The following IL1RAPL1 variants were observed in gnomAD, a reference collection of about 807,000 sequenced individuals.
The protein encoded by IL1RAPL1 is interleukin-1 receptor accessory protein-like 1.
In IL1RAPL1, 3 loss-of-function variants were observed where a neutral mutation model predicts 48.4. The observed-to-expected ratio is 0.06, with a 90% confidence interval of 0.03 to 0.16. IL1RAPL1 has a LOEUF of 0.16. Among genes scored for constraint, IL1RAPL1 ranks in the 10% least tolerant of loss-of-function variants. The probability of loss-of-function intolerance (pLI) is 1.00; values close to 1 mark genes in which losing one functional copy is unlikely to be tolerated. For synonymous variants in IL1RAPL1, 185 were observed against 187.7 expected, an observed-to-expected ratio of 0.99 and a Z score of 0.12; for missense variants, 349 against 530.6, an observed-to-expected ratio of 0.66 and a Z score of 3.36.
At chrX:29,667,218 G>A (rs1051711272) in intron 5 of IL1RAPL1, among the ~76,000 whole-genome samples, 26 of 112,219 alleles carry the variant, frequency 2.3e-4, no homozygotes, top group Non-Finnish European at 4.5e-4. Flanking sequence ...ATATGAGGTT[G>A]TTCTTCCAAA....
chrX:28,699,244 TTTAATACTTTAAA>T (rs1316632806), intron 1 of IL1RAPL1, among the ~76,000 whole-genome samples: 2 of 112,170 alleles, frequency 1.8e-5, no homozygotes, highest in Non-Finnish European at 3.8e-5. Context: ...CTGTATTCTA[TTTAATACTTTAAA>T]AGAGTATGCT....
At chrX:29,949,006 A>T (rs1431834597) in intron 9 of IL1RAPL1, among the ~76,000 whole-genome samples, 1 of 112,068 alleles carries the variant, frequency 8.9e-6, no homozygotes, top group East Asian at 2.8e-4. Flanking sequence ...ACTACCTTCA[A>T]CTTGAAAAGT....
At chrX:29,883,221 C>T (rs1279608625) in intron 6 of IL1RAPL1, among the ~76,000 whole-genome samples, 10 of 110,287 alleles carry the variant, frequency 9.1e-5, no homozygotes, top group Non-Finnish European at 1.9e-4. Context: ...GATTATATTC[C>T]GTGTTTGATA....
At chrX:28,692,929 G>C (rs1380518808) in intron 1 of IL1RAPL1, among the ~76,000 whole-genome samples, 1 of 111,616 alleles carries the variant, frequency 9.0e-6, no homozygotes, top group African/African-American at 3.3e-5. Flanking sequence ...AGTACAGTGT[G>C]ATATTGTCAT....
At chrX:29,925,467 C>G (rs1429239385) in intron 8 of IL1RAPL1, among the ~76,000 whole-genome samples, 1 of 62,845 alleles carries the variant, frequency 1.6e-5, no homozygotes, top group African/African-American at 6.5e-5. Context: ...CTTCTCTGCT[C>G]ATTTGTATAA....
At chrX:29,290,442 T>A (rs1352302628) in intron 3 of IL1RAPL1, among the ~76,000 whole-genome samples, 1 of 112,469 alleles carries the variant, frequency 8.9e-6, no homozygotes, top group Admixed American at 9.4e-5. Context: ...ACTTTGTTCC[T>A]TCATTTGAAA....
At chrX:28,762,647 T>G (rs181972750) in intron 1 of IL1RAPL1, among the ~76,000 whole-genome samples, 10 of 110,624 alleles carry the variant, frequency 9.0e-5, no homozygotes, top group African/African-American at 3.3e-4. Flanking sequence ...GGTAATTTTT[T>G]CATGCCTAAG....
At chrX:28,857,567 A>T (rs891047010) in intron 2 of IL1RAPL1, among the ~76,000 whole-genome samples, 2 of 111,381 alleles carry the variant, frequency 1.8e-5, no homozygotes, top group African/African-American at 6.5e-5. Context: ...TGCTAAATCT[A>T]TTCTGCTTGT....
intron 2 of IL1RAPL1, among the ~76,000 whole-genome samples, chrX:29,006,007 A>G (rs1301045765): frequency 8.9e-6 from 1 of 111,839 alleles, no homozygotes; most frequent in Non-Finnish European, 1.9e-5. Context: ...CTTAAAACCA[A>G]TATGCTGGCT....
intron 6 of IL1RAPL1, among the ~76,000 whole-genome samples, chrX:29,814,805 C>A (rs1260266557): frequency 3.6e-5 from 4 of 111,742 alleles, no homozygotes; most frequent in Non-Finnish European, 7.5e-5. Flanking sequence ...TATGGATGGC[C>A]AGTTATTCCA....
chrX:28,623,566 A>C (rs1353292417), intron 1 of IL1RAPL1, among the ~76,000 whole-genome samples: 2 of 111,947 alleles, frequency 1.8e-5, no homozygotes, highest in African/African-American at 6.5e-5. Flanking sequence ...TATTACCTGC[A>C]TACGTGGCAC....
At chrX:29,675,824 C>T (rs1926269867) in intron 6 of IL1RAPL1, among the ~76,000 whole-genome samples, 1 of 111,914 alleles carries the variant, frequency 8.9e-6, no homozygotes. Context: ...CTCCTGATCT[C>T]GTGATCTACC....
At chrX:28,871,795 A>G (rs1256529280) in intron 2 of IL1RAPL1, among the ~76,000 whole-genome samples, 1 of 111,893 alleles carries the variant, frequency 8.9e-6, no homozygotes, top group Non-Finnish European at 1.9e-5. Flanking sequence ...TGTAGTGACT[A>G]TGATTGAGCA....
At chrX:29,939,974 T>G (rs1933099170) in intron 8 of IL1RAPL1, among the ~76,000 whole-genome samples, 1 of 108,191 alleles carries the variant, frequency 9.2e-6, no homozygotes, top group African/African-American at 3.4e-5. Flanking sequence ...GCGATTCTCC[T>G]GTCTCAGCCT....
At chrX:28,836,325 G>C (rs1397701111) in intron 2 of IL1RAPL1, among the ~76,000 whole-genome samples, 1 of 86,742 alleles carries the variant, frequency 1.2e-5, no homozygotes, top group South Asian at 5.6e-4. Flanking sequence ...AATGCCTTTT[G>C]CTTCCCAATT....
At chrX:29,046,616 A>T (rs1926976600) in intron 2 of IL1RAPL1, among the ~76,000 whole-genome samples, 1 of 111,848 alleles carries the variant, frequency 8.9e-6, no homozygotes, top group Non-Finnish European at 1.9e-5. Flanking sequence ...ACATTATGAC[A>T]GAGTCAGATA....
intron 2 of IL1RAPL1, among the ~76,000 whole-genome samples, chrX:28,950,160 C>T (rs1199189775): frequency 1.1e-5 from 1 of 94,866 alleles, no homozygotes; most frequent in Non-Finnish European, 2.1e-5. Flanking sequence ...CTACATAGGG[C>T]TAGCCAGTTT....
chrX:28,963,599 C>T (rs1298390831), intron 2 of IL1RAPL1, among the ~76,000 whole-genome samples: 1 of 111,078 alleles, frequency 9.0e-6, no homozygotes, highest in Non-Finnish European at 1.9e-5. Context: ...GCCCATCCTC[C>T]TTTGAAGACT....
intron 2 of IL1RAPL1, among the ~76,000 whole-genome samples, chrX:28,871,908 T>G (rs1922215596): frequency 8.9e-6 from 1 of 112,677 alleles, no homozygotes; most frequent in Non-Finnish European, 1.9e-5. Flanking sequence ...CTTAAATTCT[T>G]TCAGCCTCCA....
Sources: allele counts gnomAD v4.1 joint callset (sites outside exome capture counted in the v4.1 genomes callset), GRCh38; gene constraint gnomAD v4.1.1; transcripts MANE v1.5; gene names NCBI Gene and HGNC (gene_info 2026-07-23, HGNC 2026-07-21).